Variants in SNX3 observed in about 807,000 individuals in gnomAD.
SNX3 encodes sorting nexin-3.
A neutral mutation model predicts 17.7 loss-of-function variants in SNX3; 5 were observed. That is an observed-to-expected ratio of 0.28 (90% CI 0.15 to 0.59). The LOEUF (loss-of-function observed/expected upper bound fraction) is 0.59. SNX3 is among the 20% of genes least tolerant of loss of function. The pLI is 0.88. For synonymous variants in SNX3, 91 were observed against 76.5 expected, an observed-to-expected ratio of 1.19 and a Z score of -0.99; for missense variants, 132 against 206.8, an observed-to-expected ratio of 0.64 and a Z score of 2.22.
At chr6:108,223,892 T>C (rs1774894171) in intron 1 of SNX3, among the ~76,000 whole-genome samples, 1 of 152,184 alleles carries the variant, frequency 6.6e-6, no homozygotes, top group Non-Finnish European at 1.5e-5. Context: ...TGAGGATATT[T>C]ACATAAATGT....
intron 1 of SNX3, among the ~76,000 whole-genome samples, chr6:108,240,959 G>A (rs1015552613): frequency 2.0e-5 from 3 of 151,262 alleles, no homozygotes; most frequent in South Asian, 2.1e-4. Context: ...TGGCCAACAC[G>A]GTGAAACCCT....
chr6:108,220,370 A>G (rs1347644017), intron 2 of SNX3, among the ~76,000 whole-genome samples: 2 of 152,164 alleles, frequency 1.3e-5, no homozygotes, highest in Non-Finnish European at 2.9e-5. Flanking sequence ...ATGCTTTAAA[A>G]AAAAAAAAGT....
chr6:108,215,699 G>A (rs1774546606), intron 2 of SNX3, among the ~76,000 whole-genome samples: 1 of 152,144 alleles, frequency 6.6e-6, no homozygotes, highest in Non-Finnish European at 1.5e-5. Flanking sequence ...CCTGCACTTT[G>A]GGAGGCCAAG....
At chr6:108,224,546 C>T (rs1209904820) in intron 1 of SNX3, among the ~76,000 whole-genome samples, 1 of 152,194 alleles carries the variant, frequency 6.6e-6, no homozygotes, top group African/African-American at 2.4e-5. Flanking sequence ...TCCCAAAGTG[C>T]TGGGATTACA....
intron 1 of SNX3, among the ~76,000 whole-genome samples, chr6:108,256,529 G>A (rs960612152): frequency 6.6e-6 from 1 of 152,170 alleles, no homozygotes; most frequent in Non-Finnish European, 1.5e-5. Context: ...CTAAGAGGTA[G>A]GTACTATTAT....
chr6:108,255,233 A>T lies in SNX3; in HGVS notation c.162+5527T>A, dbSNP rs766182779. The stretch of plus-strand genomic sequence containing the variant: ...CTTCTCCTTGATGGAGATCCTGGAA[A>T]AGTCAGCCGTAGCTGGCAGCAACAT... On this transcript the variant is annotated intron_variant, in intron 1 of 3. Transcript: ENST00000230085. Among the ~76,000 whole-genome samples, 6 of 152,346 alleles carry T rather than the reference A, an allele frequency of 3.9e-5. 1 individual carries two copies. The Middle Eastern group carries it at 0.01, about 259-fold the overall frequency.
At chr6:108,218,949 A>T (rs1375634249) in intron 2 of SNX3, among the ~76,000 whole-genome samples, 1 of 152,240 alleles carries the variant, frequency 6.6e-6, no homozygotes, top group Admixed American at 6.5e-5. Flanking sequence ...AGTGCTCTAA[A>T]ATAGTGATGG....
At chr6:108,239,461 A>C (rs1052791715) in intron 1 of SNX3, among the ~76,000 whole-genome samples, 3 of 152,206 alleles carry the variant, frequency 2.0e-5, no homozygotes, top group Non-Finnish European at 2.9e-5. Flanking sequence ...TGTCTCTTAA[A>C]AGAAAAAGAA....
At chr6:108,236,987 G>C (rs1050775328) in intron 1 of SNX3, among the ~76,000 whole-genome samples, 4 of 152,104 alleles carry the variant, frequency 2.6e-5, no homozygotes, top group Non-Finnish European at 5.9e-5. Context: ...TGTTCTAACA[G>C]TCTGACAGTA....
At chr6:108,228,998 G>A (rs1052006140) in intron 1 of SNX3, among the ~76,000 whole-genome samples, 1 of 152,136 alleles carries the variant, frequency 6.6e-6, no homozygotes. Context: ...GGTGGCTTAT[G>A]CCTATAATCC....
In SNX3 at chr6:108,239,095, G is replaced by A. The variant is rs217126; in HGVS notation, c.163-16050C>T. The stretch of plus-strand genomic sequence containing the variant: ...TTTTTGTATTTTTAGTAGAGACGGG[G>A]TTTCGCCACATTGGCCAGGCTGTTC... On this transcript the variant is annotated intron_variant, in intron 1 of 3. Transcript: ENST00000230085. Among the ~76,000 whole-genome samples, 74 of 152,104 alleles carry A rather than the reference G, an allele frequency of 4.9e-4. 3 individuals carry two copies. In the East Asian group the frequency reaches 0.012, roughly 24 times the overall value.
At chr6:108,254,879 A>C (rs536029586) in intron 1 of SNX3, among the ~76,000 whole-genome samples, 1 of 152,312 alleles carries the variant, frequency 6.6e-6, no homozygotes, top group South Asian at 2.1e-4. Context: ...TGTGTGCAAA[A>C]GGCCTGGATA....
chr6:108,226,800 T>C (rs1308226616), intron 1 of SNX3, among the ~76,000 whole-genome samples: 2 of 152,218 alleles, frequency 1.3e-5, no homozygotes, highest in South Asian at 2.1e-4. Context: ...CTATGTTGTA[T>C]ACCTTACAGC....
chr6:108,222,933 T>C lies in SNX3; in HGVS notation c.258+17A>G. The stretch of plus-strand genomic sequence containing the variant: ...TGGAATGTTTTGCTTTAAAGTTGCA[T>C]CATAAATCATTCTTACCTTGCTCTC... On this transcript the variant is annotated intron_variant, in intron 2 of 3. Coordinates refer to ENST00000230085, the MANE Select transcript of SNX3 (RefSeq NM_003795.6). 6 of 1,459,716 alleles carry C rather than the reference T, an allele frequency of 4.1e-6. No homozygotes were observed. In the African/African-American group the frequency reaches 4.2e-5, roughly 10 times the overall value. The allele number at this position is 1,459,716 out of a possible 1,614,324, so 90.4% of individuals were successfully genotyped here.
intron 1 of SNX3, among the ~76,000 whole-genome samples, chr6:108,236,380 T>TATTA (rs201950888): frequency 0.012 from 1,565 of 126,280 alleles, 14 homozygotes; most frequent in African/African-American, 0.025. Context: ...TTATTATTAT[T>TATTA]TTTTTTTTTT....
intron 1 of SNX3, among the ~76,000 whole-genome samples, chr6:108,243,238 T>TGA (rs1393261052): frequency 6.6e-6 from 1 of 152,112 alleles, no homozygotes; most frequent in Non-Finnish European, 1.5e-5. Context: ...CCTGTGTAGA[T>TGA]GAGACTATAG....
intron 2 of SNX3, among the ~76,000 whole-genome samples, chr6:108,218,119 A>G (rs927528064): frequency 6.6e-6 from 1 of 152,226 alleles, no homozygotes; most frequent in Non-Finnish European, 1.5e-5. Flanking sequence ...CAACCCAGAG[A>G]CTGGGAGATA....
In SNX3 at chr6:108,241,634, C is replaced by T. The variant is rs146021092; in HGVS notation, c.163-18589G>A. 3.5e-3 allele frequency among the ~76,000 whole-genome samples: 538 copies of T among 151,876 alleles called. 4 individuals are homozygous for T. Among genetic ancestry groups the T allele is most frequent in the African/African-American group, 0.012 (514 of 41,412 alleles). ...CTGGCTTAAAAAAAAAAAATTGATC[C>T]GTGCTATCACCACCTCATACTACAG... On this transcript the variant is annotated intron_variant, in intron 1 of 3. Transcript: ENST00000230085.
At chr6:108,215,339 A>G (rs1313168810) in intron 2 of SNX3, among the ~76,000 whole-genome samples, 1 of 146,052 alleles carries the variant, frequency 6.8e-6, no homozygotes, top group Admixed American at 6.9e-5. Context: ...ACAGAGTGAG[A>G]CTCCGTCTAG....
Sources: allele counts gnomAD v4.1 joint callset (sites outside exome capture counted in the v4.1 genomes callset), GRCh38; gene constraint gnomAD v4.1.1; transcripts MANE v1.5; gene names NCBI Gene and HGNC (gene_info 2026-07-23, HGNC 2026-07-21).